The following TENM3 variants were observed in gnomAD, a reference collection of about 807,000 sequenced individuals.
TENM3 encodes teneurin-3.
Under a neutral mutation model 255.1 loss-of-function variants are expected in TENM3, and 63 were observed. That is an observed-to-expected ratio of 0.25 (90% confidence interval 0.20 to 0.30). The LOEUF is 0.30. Among genes scored for constraint, TENM3 ranks in the 10% least tolerant of loss-of-function variants. TENM3 has a pLI of 1.00. For synonymous variants in TENM3, 1,306 were observed against 1,322.3 expected (o/e 0.99, Z 0.27); for missense variants, 2,929 against 3,461.1 (o/e 0.85, Z 3.86).
At chr4:181,844,919 C>A in the TENM3 span, among the ~76,000 whole-genome samples, 1 of 152,172 alleles carries the variant, frequency 6.6e-6, no homozygotes, top group Non-Finnish European at 1.5e-5. Flanking sequence ...TCGCTTGTTG[C>A]ATGAACAAAC....
At chr4:181,637,294 G>A in the TENM3 span, among the ~76,000 whole-genome samples, 17 of 152,220 alleles carry the variant, frequency 1.1e-4, no homozygotes, top group South Asian at 3.1e-3. Context: ...CCTGATTCAC[G>A]AGCAACTTTC....
the TENM3 span, among the ~76,000 whole-genome samples, chr4:182,009,663 G>A: frequency 9.2e-5 from 14 of 152,232 alleles, no homozygotes; most frequent in African/African-American, 3.4e-4. Flanking sequence ...TGGAGTCCCA[G>A]TGCTGGCTAC....
the TENM3 span, among the ~76,000 whole-genome samples, chr4:181,766,750 C>T: frequency 0.012 from 1,773 of 146,156 alleles, 35 homozygotes; most frequent in African/African-American, 0.042. Context: ...AGTATGTAGG[C>T]GTTCAAAAAA....
chr4:181,705,263 C>A, the TENM3 span, among the ~76,000 whole-genome samples: 20 of 152,132 alleles, frequency 1.3e-4, no homozygotes, highest in African/African-American at 4.8e-4. Flanking sequence ...TTAGCCATTA[C>A]GAAGAGTTTA....
the TENM3 span, among the ~76,000 whole-genome samples, chr4:181,648,324 CG>C: frequency 6.6e-6 from 1 of 152,218 alleles, no homozygotes; most frequent in African/African-American, 2.4e-5. Flanking sequence ...AAAGAAAAGT[CG>C]GGTTTCCTAA....
In TENM3 at chr4:182,658,786, T is replaced by G. The variant is rs187933602; in HGVS notation, c.1111+4893T>G. 2.4e-4 allele frequency among the ~76,000 whole-genome samples: 37 copies of G among 152,358 alleles called. 1 individual carries two copies. In the East Asian group the frequency reaches 7.1e-3, roughly 29 times the overall value. ...AGGTTAACCAAAGGCTCCACTGAGCTGGAAGTCCAGGGTAGCTCACTCACA... is the reference window on the plus strand; with the variant it reads ...AGGTTAACCAAAGGCTCCACTGAGCGGGAAGTCCAGGGTAGCTCACTCACA... On this transcript the variant is annotated intron_variant, in intron 6 of 27. Coordinates refer to ENST00000511685, the MANE Select transcript of TENM3 (RefSeq NM_001080477.4).
At chr4:182,242,708 C>T (rs1757360256), upstream of TENM3, among the ~76,000 whole-genome samples, 1 of 152,190 alleles carries the variant, frequency 6.6e-6, no homozygotes. Flanking sequence ...TTGCATTGAG[C>T]TGAGATTGCG....
intron 7 of TENM3, among the ~76,000 whole-genome samples, chr4:182,674,667 C>G (rs1755514106): frequency 6.6e-6 from 1 of 152,110 alleles, no homozygotes; most frequent in African/African-American, 2.4e-5. Flanking sequence ...CCTCAACCTC[C>G]TCGGCTCAGG....
At chr4:181,645,379 G>A in the TENM3 span, among the ~76,000 whole-genome samples, 1 of 152,186 alleles carries the variant, frequency 6.6e-6, no homozygotes, top group African/African-American at 2.4e-5. Context: ...CTGGGCAGGG[G>A]TCCTGGGAAC....
intron 3 of TENM3, among the ~76,000 whole-genome samples, chr4:182,559,409 C>A (rs1742911483): frequency 6.6e-6 from 1 of 152,088 alleles, no homozygotes; most frequent in Admixed American, 6.6e-5. Context: ...TCAGATCATA[C>A]TACTTTTGTT....
rs143593744 is a variant in TENM3 at position 182,293,458 on chromosome 4, G to A, written c.-75-30488G>A. On this transcript the variant is annotated intron_variant, in intron 1 of 27. Coordinates refer to ENST00000511685, the MANE Select transcript of TENM3 (RefSeq NM_001080477.4). ...TACAGTAAAGAGGGTGGAAGGATGC[G>A]TCTCTCTTCCTCTTTCTCTTTCTCC... is the stretch of plus-strand genomic sequence containing the variant. Among the ~76,000 whole-genome samples, 46 of 152,300 alleles carry A rather than the reference G, an allele frequency of 3.0e-4. No homozygotes were observed. In the East Asian group the frequency reaches 4.6e-3, roughly 15 times the overall value.
intron 4 of TENM3, among the ~76,000 whole-genome samples, chr4:182,621,660 AATATG>A (rs1750184451): frequency 2.3e-5 from 2 of 87,570 alleles, no homozygotes; most frequent in African/African-American, 4.5e-5. Flanking sequence ...TATAATATAT[AATATG>A]TATTATATAT....
At chr4:181,551,804 AATAATATAT>A in the TENM3 span, among the ~76,000 whole-genome samples, 9 of 90,816 alleles carry the variant, frequency 9.9e-5, no homozygotes, top group Non-Finnish European at 1.9e-4. Flanking sequence ...ATAGGCAGTT[AATAATATAT>A]ATATATATAT....
At chr4:181,820,127 A>T in the TENM3 span, 4 of 152,198 alleles carry the variant, frequency 2.6e-5, no homozygotes, top group African/African-American at 9.7e-5. Context: ...GATACTTGGA[A>T]GTTGTCCAGG....
the TENM3 span, among the ~76,000 whole-genome samples, chr4:181,854,701 G>A: frequency 6.6e-6 from 1 of 152,052 alleles, no homozygotes; most frequent in Non-Finnish European, 1.5e-5. Flanking sequence ...GTAATTTTAG[G>A]TCAGTAGGGC....
intron 22 of TENM3, among the ~76,000 whole-genome samples, chr4:182,769,106 A>G (rs1763960282): frequency 6.6e-6 from 1 of 152,248 alleles, no homozygotes; most frequent in South Asian, 2.1e-4. Flanking sequence ...TGAGTCACAC[A>G]GTTGCAAATA....
intron 3 of TENM3, among the ~76,000 whole-genome samples, chr4:182,594,466 G>A (rs530362593): frequency 1.3e-5 from 2 of 152,238 alleles, no homozygotes; most frequent in East Asian, 1.9e-4. Context: ...CTGAAGCTGT[G>A]GTGAGCTCTG....
At chr4:181,701,833 T>C in the TENM3 span, among the ~76,000 whole-genome samples, 1 of 152,204 alleles carries the variant, frequency 6.6e-6, no homozygotes, top group African/African-American at 2.4e-5. Flanking sequence ...TTTCTTTTCC[T>C]TATCAGGACA....
chr4:182,542,058 C>T (rs1310192333), intron 3 of TENM3, among the ~76,000 whole-genome samples: 1 of 151,850 alleles, frequency 6.6e-6, no homozygotes, highest in Non-Finnish European at 1.5e-5. Flanking sequence ...GACTCTGTCT[C>T]TCAAAAAAAA....
Sources: gnomAD v4.1 joint callset for allele counts (sites outside exome capture counted in the v4.1 genomes callset) on GRCh38, gnomAD v4.1.1 for gene constraint, MANE v1.5 for transcripts, NCBI Gene and HGNC (gene_info 2026-07-23, HGNC 2026-07-21) for gene names.